R3HDM2: variants seen among roughly 807,000 people sequenced by gnomAD.
R3HDM2 encodes the protein R3H domain-containing protein 2.
Under a neutral mutation model 124.5 loss-of-function variants are expected in R3HDM2, and 38 were observed. The ratio of observed to expected loss-of-function variants is 0.31; its 90% CI spans 0.24 to 0.40. The LOEUF is 0.40. R3HDM2 is among the 10% of genes least tolerant of loss of function. R3HDM2 has a pLI of 1.00. For missense variants in R3HDM2, 869 were observed against 1,236.9 expected (o/e 0.70, Z 4.46); for synonymous variants, 391 against 448.0 (o/e 0.87, Z 1.61).
chr12:57,327,263 T>C (rs2057429032), intron 2 of R3HDM2, among the ~76,000 whole-genome samples: 1 of 151,942 alleles, frequency 6.6e-6, no homozygotes, highest in Admixed American at 6.6e-5. Context: ...GGTTAGGAGT[T>C]CAAAACCAGC....
intron 14 of R3HDM2, among the ~76,000 whole-genome samples, chr12:57,277,310 C>A (rs1195606386): frequency 6.6e-6 from 1 of 152,076 alleles, no homozygotes; most frequent in Non-Finnish European, 1.5e-5. Flanking sequence ...CACCGACACA[C>A]AATTTGAAGG....
rs115590217 is a variant in R3HDM2, at chr12:57,369,486, G to A, written c.-36+26263C>T. Among the ~76,000 whole-genome samples, 768 of 152,306 alleles carry A rather than the reference G, an allele frequency of 5.0e-3. 5 individuals carry two copies. The highest frequency in any genetic ancestry group is 0.018 in the African/African-American group (731 of 41,564). ...AATAAATAAGCACTAACTTTGTTAT[G>A]CAGCGAAAACTTGGATGGCTATTTC... On this transcript the variant is annotated intron_variant, in intron 2 of 23. Transcript: ENST00000402412.
chr12:57,260,721 G>C (rs995039082), intron 19 of R3HDM2, among the ~76,000 whole-genome samples: 1 of 152,160 alleles, frequency 6.6e-6, no homozygotes, highest in Non-Finnish European at 1.5e-5. Flanking sequence ...CTGCTGCAAT[G>C]CTGCTGTTTT....
At chr12:57,346,173 A>AGAAACCATGAG in intron 2 of R3HDM2, among the ~76,000 whole-genome samples, 1 of 149,180 alleles carries the variant, frequency 6.7e-6, no homozygotes, top group East Asian at 2.0e-4. Context: ...AAAAAAAAAA[A>AGAAACCATGAG]AGGCCTGGAG....
intron 2 of R3HDM2, among the ~76,000 whole-genome samples, chr12:57,319,546 G>A (rs1013033775): frequency 1.2e-4 from 18 of 152,110 alleles, no homozygotes; most frequent in African/African-American, 4.3e-4. Flanking sequence ...TTAGCCTTCT[G>A]TGCGAGTCAT....
chr12:57,426,984 A>T (rs1039033202), intron 1 of R3HDM2, among the ~76,000 whole-genome samples: 1 of 152,184 alleles, frequency 6.6e-6, no homozygotes, highest in Non-Finnish European at 1.5e-5. Context: ...AGTGCTGAGG[A>T]TACGGAAATT....
intron 1 of R3HDM2, among the ~76,000 whole-genome samples, chr12:57,407,053 AGCC>A (rs1254336484): frequency 6.6e-6 from 1 of 152,122 alleles, no homozygotes; most frequent in African/African-American, 2.4e-5. Flanking sequence ...TTTCGAGACC[AGCC>A]TGGCCAACAT....
At chr12:57,355,456 CAAAAAAAAAAAA>C (rs1275868390) in intron 2 of R3HDM2, among the ~76,000 whole-genome samples, 2 of 51,170 alleles carry the variant, frequency 3.9e-5, no homozygotes, top group African/African-American at 1.4e-4. Context: ...GAGACTGTCT[CAAAAAAAAAAAA>C]AAAAGAAAGA....
intron 23 of R3HDM2, among the ~76,000 whole-genome samples, chr12:57,255,653 T>C (rs2136920850): frequency 6.6e-6 from 1 of 152,228 alleles, no homozygotes; most frequent in South Asian, 2.1e-4. Flanking sequence ...TCCCCCATAT[T>C]CTCTACCAAT....
chr12:57,409,646 C>T (rs1463952271), intron 1 of R3HDM2, among the ~76,000 whole-genome samples: 1 of 152,032 alleles, frequency 6.6e-6, no homozygotes, highest in Non-Finnish European at 1.5e-5. Flanking sequence ...ACCTGGTCTA[C>T]TGGAGTACCT....
At chr12:57,312,397 T>C (rs577058621) in intron 2 of R3HDM2, among the ~76,000 whole-genome samples, 1 of 150,322 alleles carries the variant, frequency 6.7e-6, no homozygotes, top group East Asian at 2.0e-4. Context: ...AGCCTCAAAC[T>C]CCTGCGTTCA....
chr12:57,306,930 A>G (rs71461320), intron 3 of R3HDM2, among the ~76,000 whole-genome samples: 1 of 152,078 alleles, frequency 6.6e-6, no homozygotes, highest in Non-Finnish European at 1.5e-5. Flanking sequence ...CAGGAGAATC[A>G]CTTGAACCTG....
At chr12:57,415,290 C>T (rs945982375) in intron 1 of R3HDM2, 2 of 152,070 alleles carry the variant, frequency 1.3e-5, no homozygotes, top group Non-Finnish European at 2.9e-5. Context: ...ATTCAAAGCA[C>T]CAGTGGTGCT....
intron 2 of R3HDM2, among the ~76,000 whole-genome samples, chr12:57,358,238 A>C (rs2061512501): frequency 6.6e-6 from 1 of 151,686 alleles, no homozygotes; most frequent in South Asian, 2.1e-4. Context: ...CCGCCCGCCT[A>C]GGCCTCCCAA....
At chr12:57,258,757 C>T in intron 20 of R3HDM2, 133 bp downstream of exon 20, 1 of 838,122 alleles carries the variant, frequency 1.2e-6, no homozygotes, top group Non-Finnish European at 1.7e-6. Context: ...ATGCTGTCTA[C>T]TTCCTGTGTT....
chr12:57,268,564 C>T (rs2042959564), intron 17 of R3HDM2, 107 bp from the exon 18 acceptor site: 1 of 1,152,530 alleles, frequency 8.7e-7, no homozygotes, highest in Non-Finnish European at 1.2e-6. Context: ...CCTTCCCTAC[C>T]TTAGATCCTC....
chr12:57,340,919 G>A (rs1358104676), intron 2 of R3HDM2, among the ~76,000 whole-genome samples: 1 of 151,782 alleles, frequency 6.6e-6, no homozygotes, highest in Non-Finnish European at 1.5e-5. Flanking sequence ...AAAATGGGTT[G>A]GGCTGTTATG....
chr12:57,281,241 C>T (rs918538582), intron 13 of R3HDM2, among the ~76,000 whole-genome samples: 1 of 146,684 alleles, frequency 6.8e-6, no homozygotes, highest in Non-Finnish European at 1.5e-5. Flanking sequence ...GAGCTGAGAT[C>T]GCGCCATGAC....
chr12:57,325,710 A>G (rs538785817), intron 2 of R3HDM2, among the ~76,000 whole-genome samples: 56 of 107,402 alleles, frequency 5.2e-4, no homozygotes, highest in African/African-American at 2.0e-3. Context: ...ATCCTTAGCT[A>G]ATTTTTTTTT....
Sources: allele counts gnomAD v4.1 joint callset (sites outside exome capture counted in the v4.1 genomes callset), GRCh38; gene constraint gnomAD v4.1.1; transcripts MANE v1.5; gene names NCBI Gene and HGNC (gene_info 2026-07-23, HGNC 2026-07-21).